NFKB1: variants seen among roughly 807,000 people sequenced by gnomAD.
NFKB1 encodes nuclear factor NF-kappa-B p105 subunit.
In NFKB1, 9 loss-of-function variants were observed where a neutral mutation model predicts 105.1. The observed-to-expected ratio is 0.09, with a 90% CI of 0.05 to 0.15. NFKB1 has a LOEUF of 0.15. Among genes scored for constraint, NFKB1 ranks in the 10% least tolerant of loss-of-function variants. NFKB1 has a pLI of 1.00. For synonymous variants in NFKB1, 440 were observed against 442.2 expected (o/e 1.00, Z 0.06); for missense variants, 830 against 1,203.7 (o/e 0.69, Z 4.59).
At chr4:102,576,014 G>T (rs1385354252) in intron 6 of NFKB1, among the ~76,000 whole-genome samples, 1 of 152,110 alleles carries the variant, frequency 6.6e-6, no homozygotes, top group Non-Finnish European at 1.5e-5. Context: ...TATATTTATT[G>T]AATAGACTTC....
At chr4:102,528,013 G>C (rs1360562784) in intron 2 of NFKB1, among the ~76,000 whole-genome samples, 1 of 151,828 alleles carries the variant, frequency 6.6e-6, no homozygotes, top group Non-Finnish European at 1.5e-5. Context: ...TTTCTTTCTT[G>C]GCTTGAGCTT....
chr4:102,516,129 GT>G (rs919506541), intron 1 of NFKB1, among the ~76,000 whole-genome samples: 11 of 151,138 alleles, frequency 7.3e-5, no homozygotes, highest in Admixed American at 2.0e-4. Context: ...CTTATCAATT[GT>G]TCCCCCATAT....
At chr4:102,574,160 A>C (rs1318200536) in intron 6 of NFKB1, among the ~76,000 whole-genome samples, 1 of 118,452 alleles carries the variant, frequency 8.4e-6, no homozygotes, top group Admixed American at 9.5e-5. Context: ...GCTTTTAAAT[A>C]CGTTTGAGGA....
rs762651835 is a variant in NFKB1 at position 102,607,200 on chromosome 4, C to T, written c.2005C>T (p.Leu669=). 2.5e-6 allele frequency: 4 copies of T among 1,614,184 alleles called. No individual in the cohort carries two copies. Among genetic ancestry groups the T allele is most frequent in the Non-Finnish European group, 2.5e-6 (3 of 1,180,030 alleles). The stretch of plus-strand genomic sequence containing the variant: ...GATGAGCAATAGCCTGCCATGTTTG[C>T]TGCTGCTGGTGGCCGCTGGGGCTGA... ...AMMSNSLPCL[L]LLVAAGADVN... Residue 669 remains leucine (L), a synonymous_variant, in exon 18 of 24, where the codon CTG becomes TTG. Coordinates refer to ENST00000226574, the MANE Select transcript of NFKB1 (RefSeq NM_003998.4).
At chr4:102,576,194 C>G (rs969895542) in intron 6 of NFKB1, among the ~76,000 whole-genome samples, 6 of 152,116 alleles carry the variant, frequency 3.9e-5, no homozygotes, top group African/African-American at 1.2e-4. Flanking sequence ...ACTTAGATGA[C>G]AACTCTAATG....
At chr4:102,511,963 TA>T (rs1459788831) in intron 1 of NFKB1, among the ~76,000 whole-genome samples, 2 of 152,330 alleles carry the variant, frequency 1.3e-5, no homozygotes, top group East Asian at 3.9e-4. Flanking sequence ...GTGACTCATA[TA>T]TATCCACATA....
rs370232532 is a variant in NFKB1 at position 102,597,537 on chromosome 4, A to C, written c.1513A>C (p.Lys505Gln). ...CCTTACAGATAACCTCTTTCTAGAGAAGGCTATGCAGCTTGCAAAGAGGCA... is the reference window on the plus strand; with the variant it reads ...CCTTACAGATAACCTCTTTCTAGAGCAGGCTATGCAGCTTGCAAAGAGGCA... ...AGVQDNLFLEKAMQLAKRHAN... is the reference protein window; with the variant it reads ...AGVQDNLFLEQAMQLAKRHAN... The change falls in exon 15 of 24, where the codon AAG (lysine) becomes CAG (glutamine). Residue 505 changes from lysine to glutamine, a missense_variant. Around this residue, in one of 8 missense-constraint regions of NFKB1, gnomAD observed 163 missense variants for 164.3 expected, o/e 0.99. Transcript: ENST00000226574. The C allele has an allele frequency of 6.2e-7, 1 of 1,611,738 alleles. No individual in the cohort carries two copies. The highest frequency in any genetic ancestry group is 8.5e-7 in the Non-Finnish European group (1 of 1,178,740).
chr4:102,566,890 A>C, intron 5 of NFKB1, 97 bp from the exon 6 acceptor site: 1 of 1,267,348 alleles, frequency 7.9e-7, no homozygotes, highest in Non-Finnish European at 1.1e-6. Flanking sequence ...GAATAACTTT[A>C]TATTGTACTT....
chr4:102,521,449 G>C (rs1482931218), intron 1 of NFKB1, among the ~76,000 whole-genome samples: 1 of 152,194 alleles, frequency 6.6e-6, no homozygotes, highest in Non-Finnish European at 1.5e-5. Context: ...ATATAATCTT[G>C]AAAGTAGAGA....
At chr4:102,616,291 G>C in intron 23 of NFKB1, 143 bp from the exon 24 acceptor site, 2 of 806,972 alleles carry the variant, frequency 2.5e-6, no homozygotes, top group South Asian at 1.8e-5. Context: ...TTCCCACCAC[G>C]GTGAGCAGTC....
chr4:102,545,696 A>G (rs1436662843), intron 5 of NFKB1, among the ~76,000 whole-genome samples: 1 of 152,138 alleles, frequency 6.6e-6, no homozygotes, highest in African/African-American at 2.4e-5. Context: ...GAATCGTCCA[A>G]AAATGTTTCA....
intron 11 of NFKB1, among the ~76,000 whole-genome samples, chr4:102,587,267 C>G (rs896110450): frequency 1.3e-5 from 2 of 152,080 alleles, no homozygotes; most frequent in Admixed American, 1.3e-4. Context: ...ATTTAAACAC[C>G]CTTCTTTAAA....
In NFKB1 at chr4:102,533,879, T is replaced by A. The variant is rs761203958; in HGVS notation, c.153T>A (p.Pro51=). 6 of 1,612,148 alleles carry A rather than the reference T, an allele frequency of 3.7e-6. No homozygotes were observed. The part of the protein sequence containing the change: ...DGPYLQILEQ[P]KQRGFRFRYV... The stretch of plus-strand genomic sequence containing the variant: ...CATACCTTCAAATATTAGAGCAACC[T>A]AAACAGGTAAGATTAAAGGGGTGGG... The change falls in exon 4 of 24, where the codon CCT becomes CCA. Residue 51 remains proline (P), a synonymous_variant. Transcript: ENST00000226574.
intron 1 of NFKB1, among the ~76,000 whole-genome samples, chr4:102,511,185 T>C (rs1739758469): frequency 6.6e-6 from 1 of 152,246 alleles, no homozygotes; most frequent in Non-Finnish European, 1.5e-5. Flanking sequence ...TGTTTTGATA[T>C]ACATATGCAT....
At chr4:102,510,968 G>A (rs907398512) in intron 1 of NFKB1, 20 of 1,281,436 alleles carry the variant, frequency 1.6e-5, no homozygotes, top group Non-Finnish European at 1.9e-5. Flanking sequence ...AAAAGAAAAA[G>A]AGTGTTAAAA....
At chr4:102,528,993 T>C (rs1462344316) in intron 2 of NFKB1, among the ~76,000 whole-genome samples, 1 of 152,110 alleles carries the variant, frequency 6.6e-6, no homozygotes, top group Non-Finnish European at 1.5e-5. Context: ...CTCTCATCAC[T>C]CCAGCCTCTT....
At chr4:102,536,911 T>G (rs892478230) in intron 4 of NFKB1, among the ~76,000 whole-genome samples, 5 of 152,234 alleles carry the variant, frequency 3.3e-5, no homozygotes, top group African/African-American at 4.8e-5. Context: ...ACAAATTGAT[T>G]GACATCATTA....
chr4:102,533,750 A>G, intron 3 of NFKB1, 95 bp from the exon 4 acceptor site: 2 of 1,001,038 alleles, frequency 2.0e-6, no homozygotes, highest in African/African-American at 1.6e-5. Context: ...CTACATAAAA[A>G]CATAATTTCA....
chr4:102,609,611 CAAAAAAA>C lies in NFKB1; in HGVS notation c.2228-947_2228-941del, dbSNP rs34646774. Reference sequence around the variant, plus strand: ...TGGGCAACAGAGCAAGACTCCATCTCAAAAAAAAAAAAAAAAAAAAAAAGCGTCAGTT... The same window carrying C: ...TGGGCAACAGAGCAAGACTCCATCTCAAAAAAAAAAAAAAAAGCGTCAGTT... On this transcript the variant is annotated intron_variant, in intron 19 of 23. Coordinates refer to ENST00000226574, the MANE Select transcript of NFKB1 (RefSeq NM_003998.4). 5.1e-4 allele frequency among the ~76,000 whole-genome samples: 33 copies of C among 64,250 alleles called. No individual in the cohort carries two copies. In the Middle Eastern group the frequency reaches 0.042, roughly 81 times the overall value. 42.2% of individuals were successfully genotyped at this position (64,250 alleles called of 152,430 possible). A position where few individuals can be genotyped will look rare whatever the true frequency, so the allele number is the denominator to read the frequency against.
Sources: gnomAD v4.1 joint callset for allele counts (sites outside exome capture counted in the v4.1 genomes callset) on GRCh38, gnomAD v4.1.1 for gene constraint, gnomAD v4.1.1 regional missense constraint, MANE v1.5 for transcripts, NCBI Gene and HGNC (gene_info 2026-07-23, HGNC 2026-07-21) for gene names.